KLRG1: variants seen among roughly 807,000 people sequenced by gnomAD.
KLRG1 encodes killer cell lectin-like receptor subfamily G member 1.
A neutral mutation model predicts 21.8 loss-of-function variants in KLRG1; 16 were observed. The ratio of observed to expected loss-of-function variants is 0.73; its 90% CI spans 0.50 to 1.11. The LOEUF is 1.11. Ranked by LOEUF, KLRG1 falls within the 50% of genes most tolerant of loss-of-function variation. KLRG1 has a pLI of 0.00. For synonymous variants in KLRG1, 69 were observed against 75.9 expected (o/e 0.91, Z 0.47); for missense variants, 173 against 218.3 (o/e 0.79, Z 1.31).
the KLRG1 span, among the ~76,000 whole-genome samples, chr12:9,093,833 G>A: frequency 6.6e-6 from 1 of 151,948 alleles, no homozygotes; most frequent in Non-Finnish European, 1.5e-5. Flanking sequence ...GGCCGAGGCC[G>A]AGACGGCGCC....
intron 1 of KLRG1, among the ~76,000 whole-genome samples, chr12:8,960,792 A>G (rs1013867432): frequency 2.0e-5 from 3 of 152,224 alleles, no homozygotes; most frequent in Non-Finnish European, 4.4e-5. Context: ...TTTGGGACAA[A>G]ATATAGTACT....
the KLRG1 span, among the ~76,000 whole-genome samples, chr12:9,062,938 A>G: frequency 0.31 from 46,674 of 151,846 alleles, 8,080 homozygotes; most frequent in Non-Finnish European, 0.38. Context: ...CAGCTACAGC[A>G]TAACTAGAAT....
the KLRG1 span, among the ~76,000 whole-genome samples, chr12:9,117,199 A>G: frequency 2.3e-3 from 344 of 152,284 alleles, 4 homozygotes; most frequent in African/African-American, 8.1e-3. Context: ...TTCCTTTCTG[A>G]TACTTCAAAT....
chr12:9,098,305 A>G, the KLRG1 span: 2 of 162,166 alleles, frequency 1.2e-5, no homozygotes, highest in African/African-American at 2.4e-5. Context: ...AAGAAGCTTA[A>G]CGTGTCTGAA....
the KLRG1 span, among the ~76,000 whole-genome samples, chr12:9,118,035 G>A: frequency 1.3e-5 from 2 of 152,114 alleles, no homozygotes; most frequent in Non-Finnish European, 2.9e-5. Flanking sequence ...ATCTAAGTGG[G>A]TTGTAACATC....
intron 1 of KLRG1, among the ~76,000 whole-genome samples, chr12:8,978,684 C>CTT (rs1287924090): frequency 7.9e-6 from 1 of 127,238 alleles, no homozygotes. Context: ...TTCTTTCTTT[C>CTT]TTTCTTTTTC....
At chr12:9,021,248 A>G in the KLRG1 span, among the ~76,000 whole-genome samples, 1 of 152,304 alleles carries the variant, frequency 6.6e-6, no homozygotes, top group African/African-American at 2.4e-5. Flanking sequence ...CGGTAAGTTA[A>G]TGTAAAGGCC....
chr12:9,137,893 G>A, the KLRG1 span, among the ~76,000 whole-genome samples: 13 of 151,974 alleles, frequency 8.6e-5, no homozygotes, highest in Admixed American at 8.5e-4. Context: ...CTGTATTTGT[G>A]TATTAGTTTT....
chr12:9,095,069 C>A, the KLRG1 span: 2 of 1,581,956 alleles, frequency 1.3e-6, no homozygotes, highest in East Asian at 4.6e-5. Context: ...TTGGTGAATG[C>A]CTTTAAGCCC....
the KLRG1 span, among the ~76,000 whole-genome samples, chr12:9,075,941 A>G: frequency 2.6e-5 from 4 of 152,202 alleles, no homozygotes; most frequent in East Asian, 3.8e-4. Flanking sequence ...TTCTCAATAC[A>G]TTTTAAGAAG....
At chr12:8,979,566 G>A (rs114895747) in intron 1 of KLRG1, among the ~76,000 whole-genome samples, 1 of 151,892 alleles carries the variant, frequency 6.6e-6, no homozygotes, top group Non-Finnish European at 1.5e-5. Context: ...AACCTACTTG[G>A]AATCTTTTAG....
At chr12:9,019,492 A>T in the KLRG1 span, among the ~76,000 whole-genome samples, 1 of 152,240 alleles carries the variant, frequency 6.6e-6, no homozygotes, top group South Asian at 2.1e-4. Flanking sequence ...AGCACTATTC[A>T]CAATAGCCAA....
the KLRG1 span, among the ~76,000 whole-genome samples, chr12:9,143,559 G>A: frequency 6.6e-6 from 1 of 152,134 alleles, no homozygotes; most frequent in Non-Finnish European, 1.5e-5. Context: ...AGGGGTGCAA[G>A]CTTGACACAG....
At chr12:9,197,149 A>G in the KLRG1 span, 1 of 1,482,368 alleles carries the variant, frequency 6.7e-7, no homozygotes, top group East Asian at 2.3e-5. Flanking sequence ...TAAATCAGGA[A>G]TTGAGAATGG....
chr12:9,095,798 G>C, the KLRG1 span: 1 of 1,098,070 alleles, frequency 9.1e-7, no homozygotes, highest in Non-Finnish European at 1.2e-6. Flanking sequence ...TGTCGCCCAG[G>C]CCGGACCGCG....
the KLRG1 span, chr12:9,098,499 T>G: frequency 8.0e-7 from 1 of 1,255,210 alleles, no homozygotes; most frequent in African/African-American, 1.5e-5. Context: ...AATTAATTCC[T>G]AGATAAATAT....
chr12:9,191,048 T>C, the KLRG1 span, among the ~76,000 whole-genome samples: 6 of 152,128 alleles, frequency 3.9e-5, no homozygotes, highest in South Asian at 4.1e-4. Context: ...TATAGAGAAA[T>C]TTTTTCCAAT....
At chr12:9,028,132 A>G in the KLRG1 span, 1 of 764,454 alleles carries the variant, frequency 1.3e-6, no homozygotes, top group South Asian at 1.5e-5. Context: ...TCTGTTCTTC[A>G]GTGTCGTCGT....
At chr12:9,199,625 C>G in the KLRG1 span, among the ~76,000 whole-genome samples, 1 of 151,914 alleles carries the variant, frequency 6.6e-6, no homozygotes, top group African/African-American at 2.4e-5. Context: ...CTTCTAGAGG[C>G]CAACTGATGA....
Sources: allele counts gnomAD v4.1 joint callset (sites outside exome capture counted in the v4.1 genomes callset), GRCh38; gene constraint gnomAD v4.1.1; transcripts MANE v1.5; gene names NCBI Gene and HGNC (gene_info 2026-07-23, HGNC 2026-07-21).